The following RFX6 variants were observed in gnomAD, a reference collection of about 807,000 sequenced individuals.
RFX6 encodes regulatory factor X6, also known as DNA-binding protein RFX6.
A neutral mutation model predicts 110.8 loss-of-function variants in RFX6; 50 were observed. The ratio of observed to expected loss-of-function variants is 0.45; its 90% CI spans 0.36 to 0.57. The LOEUF (loss-of-function observed/expected upper bound fraction) is 0.57, where lower values mean the gene tolerates loss of function less well. Among genes scored for constraint, RFX6 ranks in the 20% least tolerant of loss-of-function variants. RFX6 has a pLI of 0.00. For missense variants in RFX6, 990 were observed against 1,127.0 expected, an observed-to-expected ratio of 0.88 and a Z score of 1.74; for synonymous variants, 383 against 411.2, an observed-to-expected ratio of 0.93 and a Z score of 0.83.
chr6:116,882,381 G>A lies in RFX6; in HGVS notation c.519G>A (p.Lys173=). The A allele has an allele frequency of 6.2e-7, 1 of 1,612,788 alleles. No individual in the cohort carries two copies. The highest frequency in any genetic ancestry group is 8.5e-7 in the Non-Finnish European group (1 of 1,178,992). ...TTTCTTTTTAGACAATTCGCCAGAA[G>A]TTTCCCCTCCTAACAACAAGGCGGC... The part of the protein sequence containing the change: ...AATFGKTIRQ[K]FPLLTTRRLG... Residue 173 remains lysine, a synonymous_variant, in exon 4 of 19, where the codon AAG becomes AAA. Coordinates refer to ENST00000332958, the MANE Select transcript of RFX6 (RefSeq NM_173560.4).
At chr6:116,916,344 G>A in intron 9 of RFX6, 30 bp downstream of exon 9, 1 of 1,269,562 alleles carries the variant, frequency 7.9e-7, no homozygotes, top group Non-Finnish European at 1.2e-6. Context: ...TTAAACATGA[G>A]CCATTTATTT....
intron 4 of RFX6, among the ~76,000 whole-genome samples, chr6:116,888,734 G>A (rs1332997173): frequency 6.6e-6 from 1 of 152,070 alleles, no homozygotes; most frequent in Non-Finnish European, 1.5e-5. Context: ...ACATACACCA[G>A]CATATCTTCT....
chr6:116,929,217 AT>A (rs1426098461), intron 18 of RFX6, among the ~76,000 whole-genome samples: 7 of 152,212 alleles, frequency 4.6e-5, no homozygotes, highest in African/African-American at 1.2e-4. Flanking sequence ...TACAAAAAAA[AT>A]AGCTGGTATC....
chr6:116,916,564 CTT>C (rs756218652), intron 9 of RFX6, among the ~76,000 whole-genome samples: 22 of 152,132 alleles, frequency 1.4e-4, no homozygotes, highest in East Asian at 9.7e-4. Flanking sequence ...ATGTGACACA[CTT>C]ATTAATATGT....
intron 6 of RFX6, among the ~76,000 whole-genome samples, chr6:116,908,605 AT>A (rs1254177030): frequency 6.6e-6 from 1 of 151,844 alleles, no homozygotes; most frequent in Non-Finnish European, 1.5e-5. Context: ...TAAGTAAGAC[AT>A]TTGCTGTGGG....
chr6:116,929,051 G>A, intron 18 of RFX6, 80 bp downstream of exon 18: 1 of 910,878 alleles, frequency 1.1e-6, no homozygotes, highest in Non-Finnish European at 1.8e-6. Flanking sequence ...AGGGAGATAT[G>A]CTGAGGTGAA....
In RFX6 at chr6:116,919,172, G is replaced by T. The variant is rs377109583; in HGVS notation, c.1058G>T (p.Trp353Leu). ...LADIRNFAKN[W>L]EQWVVSSLEN... ...GACATAAGAAATTTTGCTAAAAATT[G>T]GGAACAGTGGGTTGTTTCATCCTTG... is the stretch of plus-strand genomic sequence containing the variant. The change falls in exon 11 of 19, where the codon TGG becomes TTG. Residue 353 changes from tryptophan (W) to leucine (L), a missense_variant. By Grantham distance (61) the Trp-to-Leu change is moderately conservative. Around this residue, in one of 5 missense-constraint regions of RFX6, gnomAD observed 243 missense variants for 353.1 expected, o/e 0.69. Coordinates refer to ENST00000332958, the MANE Select transcript of RFX6 (RefSeq NM_173560.4). The T allele has an allele frequency of 3.1e-6, 5 of 1,613,404 alleles. No homozygotes were observed. In the Admixed American group the frequency reaches 5.0e-5, roughly 16 times the overall value.
At chr6:116,890,767 T>TAATTAAATTTCTATCATTA (rs1426269319) in intron 4 of RFX6, among the ~76,000 whole-genome samples, 3 of 152,204 alleles carry the variant, frequency 2.0e-5, no homozygotes, top group Non-Finnish European at 4.4e-5. Context: ...ATACATACAT[T>TAATTAAATTTCTATCATTA]AATTAAAAAG....
In RFX6 at chr6:116,920,365, T is replaced by C; in HGVS notation, c.1238T>C (p.Ile413Thr). 2 of 1,612,034 alleles carry C rather than the reference T, an allele frequency of 1.2e-6. No homozygotes were observed. Among genetic ancestry groups the C allele is most frequent in the Non-Finnish European group, 1.7e-6 (2 of 1,178,084 alleles). Residue 413 changes from isoleucine to threonine, a missense_variant, in exon 12 of 19, where the codon ATT becomes ACT. By Grantham distance (89) the Ile-to-Thr change is moderately conservative. Coordinates refer to ENST00000332958, the MANE Select transcript of RFX6 (RefSeq NM_173560.4). Reference sequence around the variant, plus strand: ...GTCGTTAATTCTATGGTGTCTGATATTGAAAGGGTTGATTTGAACAGCATT... The same window carrying C: ...GTCGTTAATTCTATGGTGTCTGATACTGAAAGGGTTGATTTGAACAGCATT... The part of the protein sequence containing the change: ...QHVVNSMVSD[I>T]ERVDLNSIGS...
intron 6 of RFX6, among the ~76,000 whole-genome samples, chr6:116,900,385 GC>G (rs1775041110): frequency 6.6e-6 from 1 of 152,016 alleles, no homozygotes; most frequent in African/African-American, 2.4e-5. Context: ...TTCCCGAGTA[GC>G]TGGGATTACA....
intron 2 of RFX6, among the ~76,000 whole-genome samples, chr6:116,878,398 A>G (rs1168959658): frequency 6.6e-6 from 1 of 152,222 alleles, no homozygotes; most frequent in Non-Finnish European, 1.5e-5. Flanking sequence ...TGTATACTCC[A>G]TAAGATGAAC....
chr6:116,887,843 C>T (rs931059133), intron 4 of RFX6, among the ~76,000 whole-genome samples: 3 of 152,170 alleles, frequency 2.0e-5, no homozygotes, highest in Non-Finnish European at 4.4e-5. Context: ...AAGCAAAAAC[C>T]TTGTATCCCA....
intron 6 of RFX6, among the ~76,000 whole-genome samples, chr6:116,907,604 C>G (rs955828349): frequency 2.0e-5 from 3 of 152,118 alleles, no homozygotes; most frequent in African/African-American, 7.2e-5. Context: ...TGTATGACAT[C>G]TATCTTTTCG....
At position 116,916,013 on chromosome 6, in the gene RFX6, T is replaced by C. The variant is rs1562144308; in HGVS notation, c.786T>C (p.Asp262=). The change falls in exon 8 of 19, where the codon GAT becomes GAC. Residue 262 remains aspartate (D), a synonymous_variant. Coordinates refer to ENST00000332958, the MANE Select transcript of RFX6 (RefSeq NM_173560.4). ...CTTTTTCTTCCTTGAAATAGGTTGA[T>C]ACGCTCATAATGATGTACAAAACTC... ...YQGCISKDKV[D]TLIMMYKTHC... 1 of 1,607,320 alleles carries C rather than the reference T, an allele frequency of 6.2e-7. No individual in the cohort carries two copies. The highest frequency in any genetic ancestry group is 1.7e-5 in the Admixed American group (1 of 59,964).
At chr6:116,897,930 A>AATCATTCTTCAATCATT (rs1774985461) in intron 6 of RFX6, among the ~76,000 whole-genome samples, 1 of 152,146 alleles carries the variant, frequency 6.6e-6, no homozygotes, top group Non-Finnish European at 1.5e-5. Context: ...ATGGTGATTG[A>AATCATTCTTCAATCATT]AGCCATGGTA....
chr6:116,894,522 T>C (rs962444313), intron 5 of RFX6, among the ~76,000 whole-genome samples: 2 of 152,140 alleles, frequency 1.3e-5, no homozygotes, highest in Non-Finnish European at 2.9e-5. Context: ...TCTTACCTTA[T>C]GAGGGTGAAA....
chr6:116,883,061 C>T (rs753054486), intron 4 of RFX6, among the ~76,000 whole-genome samples: 3 of 152,064 alleles, frequency 2.0e-5, no homozygotes, highest in Non-Finnish European at 4.4e-5. Flanking sequence ...TTCTCCTTTC[C>T]TTCTGCCTAT....
At chr6:116,919,337 T>TA (rs778448928) in intron 11 of RFX6, 41 bp downstream of exon 11, 3 of 1,567,374 alleles carry the variant, frequency 1.9e-6, no homozygotes, top group African/African-American at 1.4e-5. Context: ...AGTCACCATA[T>TA]AAAAAATGAA....
At chr6:116,928,146 G>A (rs566010624) in intron 17 of RFX6, among the ~76,000 whole-genome samples, 81 of 151,232 alleles carry the variant, frequency 5.4e-4, no homozygotes, top group African/African-American at 1.2e-3. Context: ...AAAGAAGAAT[G>A]TTCTGTCTTT....
Sources: allele counts gnomAD v4.1 joint callset (sites outside exome capture counted in the v4.1 genomes callset), GRCh38; gene constraint gnomAD v4.1.1; regional missense constraint gnomAD v4.1.1; transcripts MANE v1.5; gene names NCBI Gene and HGNC (gene_info 2026-07-23, HGNC 2026-07-21).